Variants in NXPH1 observed in about 807,000 individuals in gnomAD.
The protein encoded by NXPH1 is neurexophilin-1.
Under a neutral mutation model 23.7 loss-of-function variants are expected in NXPH1, and 5 were observed. The observed-to-expected ratio is 0.21, with a 90% CI of 0.11 to 0.44. The LOEUF (loss-of-function observed/expected upper bound fraction) is 0.44, where lower values mean the gene tolerates loss of function less well. NXPH1 is among the 20% of genes least tolerant of loss of function. The pLI is 0.99. For missense variants in NXPH1, 324 were observed against 321.6 expected, an observed-to-expected ratio of 1.01 and a Z score of -0.06; for synonymous variants, 144 against 122.2, an observed-to-expected ratio of 1.18 and a Z score of -1.18.
At chr7:8,670,642 G>T (rs143950906) in intron 2 of NXPH1, among the ~76,000 whole-genome samples, 215 of 152,078 alleles carry the variant, frequency 1.4e-3, no homozygotes, top group African/African-American at 5.0e-3. Flanking sequence ...TCACCTTTAG[G>T]CTGCCCAATA....
chr7:8,616,664 G>T (rs917610779), intron 2 of NXPH1, among the ~76,000 whole-genome samples: 4 of 151,950 alleles, frequency 2.6e-5, no homozygotes, highest in Non-Finnish European at 5.9e-5. Flanking sequence ...TGGCAGCCAG[G>T]GGGGACTGAG....
chr7:8,730,817 T>A lies in NXPH1; in HGVS notation c.55-20191T>A, dbSNP rs539381152. Among the ~76,000 whole-genome samples the A allele has an allele frequency of 4.9e-3, 731 of 150,632 alleles. 17 individuals carry two copies. The highest frequency in any genetic ancestry group is 0.038 in the Admixed American group (576 of 15,052). On this transcript the variant is annotated intron_variant, in intron 2 of 2. Coordinates refer to ENST00000405863, the MANE Select transcript of NXPH1 (RefSeq NM_152745.3). The stretch of plus-strand genomic sequence containing the variant: ...CTTTGGTGAATCTGACAATTATGTG[T>A]CTTGGAGTTGCTCTTCTCGAGGAGT...
At chr7:8,536,258 A>C (rs1420273542) in intron 2 of NXPH1, among the ~76,000 whole-genome samples, 1 of 152,090 alleles carries the variant, frequency 6.6e-6, no homozygotes, top group Non-Finnish European at 1.5e-5. Flanking sequence ...ATCAACGCAT[A>C]TAATAATAGA....
chr7:8,451,080 T>C (rs1563313863), intron 2 of NXPH1, among the ~76,000 whole-genome samples: 1 of 151,912 alleles, frequency 6.6e-6, no homozygotes, highest in South Asian at 2.1e-4. Flanking sequence ...TGTGGAAGAA[T>C]ATGCATTTGA....
chr7:8,736,605 G>A (rs1224802251), intron 2 of NXPH1, among the ~76,000 whole-genome samples: 1 of 152,176 alleles, frequency 6.6e-6, no homozygotes. Flanking sequence ...TGTATATTCT[G>A]TTGATTTGGG....
At position 8,630,034 on chromosome 7, in the gene NXPH1, C is replaced by T. The variant is rs115423113; in HGVS notation, c.55-120974C>T. On this transcript the variant is annotated intron_variant, in intron 2 of 2. Transcript: ENST00000405863. Reference sequence around the variant, plus strand: ...TGGATTGGTGAACATTTTACTCCCCCACATTTCACCCTTGGGTCTTAAGAA... The same window carrying T: ...TGGATTGGTGAACATTTTACTCCCCTACATTTCACCCTTGGGTCTTAAGAA... Among the ~76,000 whole-genome samples the T allele has an allele frequency of 4.5e-3, 683 of 152,146 alleles. 5 individuals carry two copies. Among genetic ancestry groups the T allele is most frequent in the African/African-American group, 0.015 (641 of 41,508 alleles).
intron 2 of NXPH1, among the ~76,000 whole-genome samples, chr7:8,469,775 A>G (rs1816844471): frequency 6.6e-6 from 1 of 152,136 alleles, no homozygotes; most frequent in South Asian, 2.1e-4. Flanking sequence ...TATGATAACT[A>G]CCAAAGACTA....
intron 2 of NXPH1, among the ~76,000 whole-genome samples, chr7:8,582,253 C>T (rs981416507): frequency 1.3e-5 from 2 of 152,198 alleles, no homozygotes; most frequent in African/African-American, 4.8e-5. Context: ...TGAGAGCCTC[C>T]AGGTCTGGTT....
chr7:8,583,982 C>G (rs1443293881), intron 2 of NXPH1, among the ~76,000 whole-genome samples: 1 of 152,182 alleles, frequency 6.6e-6, no homozygotes, highest in Non-Finnish European at 1.5e-5. Flanking sequence ...GAAAATTTAA[C>G]ATGGCTGAGC....
At chr7:8,599,066 A>G (rs951111855) in intron 2 of NXPH1, among the ~76,000 whole-genome samples, 5 of 152,194 alleles carry the variant, frequency 3.3e-5, no homozygotes, top group African/African-American at 1.2e-4. Flanking sequence ...AGTTTGTGAT[A>G]TAATGGAGGC....
chr7:8,441,784 C>T (rs1025601160), intron 2 of NXPH1, among the ~76,000 whole-genome samples: 1 of 152,222 alleles, frequency 6.6e-6, no homozygotes. Flanking sequence ...CCAAGTTTGC[C>T]CTGCCCTCGC....
intron 2 of NXPH1, among the ~76,000 whole-genome samples, chr7:8,651,023 C>A (rs550429678): frequency 6.6e-6 from 1 of 151,026 alleles, no homozygotes; most frequent in African/African-American, 2.4e-5. Flanking sequence ...GCACAATGTG[C>A]AGGTTAGTTA....
chr7:8,479,247 A>T (rs956479491), intron 2 of NXPH1, among the ~76,000 whole-genome samples: 1 of 152,148 alleles, frequency 6.6e-6, no homozygotes, highest in African/African-American at 2.4e-5. Context: ...GCATGTTAAA[A>T]TGTTTAAAAG....
At chr7:8,741,900 T>C (rs2115228026) in intron 2 of NXPH1, among the ~76,000 whole-genome samples, 1 of 152,256 alleles carries the variant, frequency 6.6e-6, no homozygotes, top group East Asian at 1.9e-4. Flanking sequence ...AAGATACACA[T>C]GGCATAAAAT....
chr7:8,730,241 C>T (rs1482603280), intron 2 of NXPH1, among the ~76,000 whole-genome samples: 84 of 149,352 alleles, frequency 5.6e-4, no homozygotes, highest in Middle Eastern at 3.4e-3. Flanking sequence ...TGTCTCTGCA[C>T]GTGAGATGGG....
intron 2 of NXPH1, among the ~76,000 whole-genome samples, chr7:8,488,229 CACATACTATATCTTACATATTACATCTT>C (rs1346709215): frequency 1.3e-5 from 2 of 152,026 alleles, no homozygotes; most frequent in African/African-American, 2.4e-5. Context: ...TACCATGGGA[CACATACTATATCTTACATATTACATCTT>C]ACATACTACA....
intron 2 of NXPH1, among the ~76,000 whole-genome samples, chr7:8,562,597 A>G (rs929267255): frequency 6.6e-6 from 1 of 151,538 alleles, no homozygotes; most frequent in Admixed American, 6.6e-5. Flanking sequence ...TGACTAACAC[A>G]TTCCTGTGCT....
chr7:8,489,808 A>G (rs1029779066), intron 2 of NXPH1, among the ~76,000 whole-genome samples: 2 of 152,088 alleles, frequency 1.3e-5, no homozygotes, highest in African/African-American at 4.8e-5. Context: ...AACAAATTCA[A>G]ACCTGCTCTC....
chr7:8,672,791 C>T (rs912189152), intron 2 of NXPH1, among the ~76,000 whole-genome samples: 2 of 152,192 alleles, frequency 1.3e-5, no homozygotes, highest in African/African-American at 4.8e-5. Flanking sequence ...AAATTTTCTC[C>T]TTTCAAACGG....
Sources: allele counts gnomAD v4.1 joint callset (sites outside exome capture counted in the v4.1 genomes callset), GRCh38; gene constraint gnomAD v4.1.1; transcripts MANE v1.5; gene names NCBI Gene and HGNC (gene_info 2026-07-23, HGNC 2026-07-21).